The following KIF16B variants were observed in gnomAD, a reference collection of about 807,000 sequenced individuals.
The protein encoded by KIF16B is kinesin-like protein KIF16B.
Under a neutral mutation model 156.3 loss-of-function variants are expected in KIF16B, and 98 were observed. That is an observed-to-expected ratio of 0.63 (90% CI 0.53 to 0.74). The LOEUF (loss-of-function observed/expected upper bound fraction) is 0.74, where lower values mean the gene tolerates loss of function less well. Ranked by LOEUF, KIF16B falls within the 30% of genes least tolerant of loss-of-function variation. The pLI is 0.00. For missense variants in KIF16B, 1,421 were observed against 1,606.5 expected (o/e 0.88, Z 1.97); for synonymous variants, 564 against 583.7 (o/e 0.97, Z 0.49).
chr20:16,374,771 G>A (rs957873402), intron 19 of KIF16B, among the ~76,000 whole-genome samples: 6 of 152,190 alleles, frequency 3.9e-5, no homozygotes, highest in African/African-American at 1.2e-4. Context: ...CAGGGTTCTG[G>A]TAAATACTTA....
intron 12 of KIF16B, among the ~76,000 whole-genome samples, chr20:16,492,755 T>C (rs908300136): frequency 6.6e-6 from 1 of 152,178 alleles, no homozygotes; most frequent in Admixed American, 6.5e-5. Context: ...TCTTGCAGCA[T>C]TGCCTCCTGT....
At chr20:16,544,784 C>T (rs1010140763) in intron 1 of KIF16B, among the ~76,000 whole-genome samples, 4 of 152,010 alleles carry the variant, frequency 2.6e-5, no homozygotes, top group Non-Finnish European at 5.9e-5. Context: ...CTTCCTGAGG[C>T]CAAAGATGAT....
intron 23 of KIF16B, among the ~76,000 whole-genome samples, chr20:16,340,482 A>G (rs2064121043): frequency 1.3e-5 from 2 of 152,248 alleles, no homozygotes; most frequent in Non-Finnish European, 2.9e-5. Context: ...ACTGCACCTT[A>G]GAACAGAACT....
At chr20:16,464,843 A>G (rs764001875) in intron 12 of KIF16B, among the ~76,000 whole-genome samples, 1 of 152,174 alleles carries the variant, frequency 6.6e-6, no homozygotes, top group Non-Finnish European at 1.5e-5. Flanking sequence ...TTTTCAAACT[A>G]AAATGTCATT....
rs574997669 is a variant in KIF16B at position 16,434,706 on chromosome 20, T to C, written c.1303-4724A>G. Among the ~76,000 whole-genome samples the C allele has an allele frequency of 3.3e-5, 5 of 152,040 alleles. No homozygotes were observed. The South Asian group carries it at 1.0e-3, about 32-fold the overall frequency. ...TCAGTAAGTGCTGATTATTTGGTTC[T>C]ATAGGGAGTGATTTCTAAGTGGCAC... On this transcript the variant is annotated intron_variant, in intron 12 of 25. Transcript: ENST00000354981.
intron 22 of KIF16B, among the ~76,000 whole-genome samples, chr20:16,364,588 A>C (rs2144891): frequency 0.68 from 103,235 of 152,088 alleles, 36,255 homozygotes; most frequent in East Asian, 0.97. Context: ...CTAGGATTGA[A>C]ATCACAGTGG....
rs35499446 is a variant in KIF16B, at chr20:16,430,962, C to CA, written c.1303-981dup. Among the ~76,000 whole-genome samples, 4 of 123,446 alleles carry CA rather than the reference C, an allele frequency of 3.2e-5. No individual in the cohort carries two copies. The East Asian group carries it at 6.2e-4, about 19-fold the overall frequency. The allele number at this position is 123,446 out of a possible 152,430, so 81.0% of individuals were successfully genotyped here. ...AACAAAAAACAAAAAACAAAACAAA[C>CA]AAAAAAAACCTTGATTCTCTCTGCC... On this transcript the variant is annotated intron_variant, in intron 12 of 25. Transcript: ENST00000354981.
At chr20:16,325,053 C>T (rs540455304) in intron 24 of KIF16B, among the ~76,000 whole-genome samples, 1 of 152,082 alleles carries the variant, frequency 6.6e-6, no homozygotes, top group African/African-American at 2.4e-5. Flanking sequence ...ACAAAAATCC[C>T]ATGATCATCT....
chr20:16,438,141 C>T (rs533405320), intron 12 of KIF16B, among the ~76,000 whole-genome samples: 2 of 151,522 alleles, frequency 1.3e-5, no homozygotes, highest in African/African-American at 2.4e-5. Flanking sequence ...AGCAAGACTC[C>T]GTCTCAAAAA....
At chr20:16,418,110 T>C (rs2066136373) in intron 15 of KIF16B, among the ~76,000 whole-genome samples, 1 of 151,220 alleles carries the variant, frequency 6.6e-6, no homozygotes, top group Admixed American at 6.6e-5. Flanking sequence ...GTACTGAATG[T>C]AAAGCTGAAA....
chr20:16,490,930 C>G (rs2146912606), intron 12 of KIF16B, among the ~76,000 whole-genome samples: 1 of 152,262 alleles, frequency 6.6e-6, no homozygotes, highest in East Asian at 1.9e-4. Flanking sequence ...TGAGACAGTC[C>G]TTGGCCAGAT....
At chr20:16,393,369 C>T (rs1015635095) in intron 17 of KIF16B, among the ~76,000 whole-genome samples, 2 of 152,262 alleles carry the variant, frequency 1.3e-5, no homozygotes, top group African/African-American at 4.8e-5. Context: ...TTTACTTCTG[C>T]TTTGCTTCTA....
At chr20:16,376,059 C>T (rs982881858) in intron 19 of KIF16B, among the ~76,000 whole-genome samples, 1 of 152,194 alleles carries the variant, frequency 6.6e-6, no homozygotes, top group South Asian at 2.1e-4. Flanking sequence ...AAACTGTAGA[C>T]GATGGCACCC....
In KIF16B at chr20:16,396,648, CTTT is replaced by C. The variant is rs11476845; in HGVS notation, c.1784+8162_1784+8164del. Among the ~76,000 whole-genome samples, 17 of 124,646 alleles carry C rather than the reference CTTT, an allele frequency of 1.4e-4. No individual in the cohort carries two copies. The East Asian group carries it at 2.8e-3, about 20-fold the overall frequency. The allele number at this position is 124,646 out of a possible 152,430, so 81.8% of individuals were successfully genotyped here. A position where few individuals can be genotyped will look rare whatever the true frequency, so the allele number is the denominator to read the frequency against. On this transcript the variant is annotated intron_variant, in intron 17 of 25. Coordinates refer to ENST00000354981, the MANE Select transcript of KIF16B (RefSeq NM_024704.5). The stretch of plus-strand genomic sequence containing the variant: ...TATGGTAACATGTTAACTGTAGTCG[CTTT>C]TTTTTTTTTTTTTTGCTTATGATTT...
intron 24 of KIF16B, among the ~76,000 whole-genome samples, chr20:16,312,702 C>T (rs1233856700): frequency 6.6e-6 from 1 of 151,996 alleles, no homozygotes; most frequent in African/African-American, 2.4e-5. Context: ...ACATATCAGA[C>T]TCTGTGCCAG....
chr20:16,312,024 T>C (rs564426117), intron 25 of KIF16B, among the ~76,000 whole-genome samples: 1 of 152,336 alleles, frequency 6.6e-6, no homozygotes, highest in African/African-American at 2.4e-5. Flanking sequence ...TGTACTCTCA[T>C]CCTGTATCAC....
intron 25 of KIF16B, among the ~76,000 whole-genome samples, chr20:16,311,419 T>C (rs753252911): frequency 1.3e-5 from 2 of 152,110 alleles, no homozygotes; most frequent in Non-Finnish European, 2.9e-5. Context: ...ATCTGAGGGG[T>C]GGAGGTTGCA....
At chr20:16,303,083 A>G (rs2063495577) in intron 25 of KIF16B, among the ~76,000 whole-genome samples, 1 of 152,236 alleles carries the variant, frequency 6.6e-6, no homozygotes, top group Non-Finnish European at 1.5e-5. Context: ...AAGTAGCAAC[A>G]GCTTAAAAAA....
chr20:16,378,790 C>G lies in KIF16B; in HGVS notation c.3197+15G>C. The stretch of plus-strand genomic sequence containing the variant: ...GGCACCCACTGTATGCCACACCCTT[C>G]CTTCCCAATCTCACCTCTCCTGGTC... On this transcript the variant is annotated intron_variant, in intron 19 of 25. Coordinates refer to ENST00000354981, the MANE Select transcript of KIF16B (RefSeq NM_024704.5). 1 of 1,578,616 alleles carries G rather than the reference C, an allele frequency of 6.3e-7. No individual in the cohort carries two copies. The highest frequency in any genetic ancestry group is 8.6e-7 in the Non-Finnish European group (1 of 1,163,464).
Sources: allele counts gnomAD v4.1 joint callset (sites outside exome capture counted in the v4.1 genomes callset), GRCh38; gene constraint gnomAD v4.1.1; transcripts MANE v1.5; gene names NCBI Gene and HGNC (gene_info 2026-07-23, HGNC 2026-07-21).